FHIT: variants seen among roughly 807,000 people sequenced by gnomAD.
FHIT encodes the protein fragile histidine triad diadenosine triphosphatase, also known as bis(5'-adenosyl)-triphosphatase.
In FHIT, 19 loss-of-function variants were observed where a neutral mutation model predicts 17.9. The ratio of observed to expected loss-of-function variants is 1.06; its 90% CI spans 0.74 to 1.56. The LOEUF is 1.56. FHIT is among the 40% of genes most tolerant of loss of function. The probability of loss-of-function intolerance (pLI) is 0.00; values close to 1 mark genes in which losing one functional copy is unlikely to be tolerated. For synonymous variants in FHIT, 81 were observed against 69.7 expected, an observed-to-expected ratio of 1.16 and a Z score of -0.81; for missense variants, 248 against 189.2, an observed-to-expected ratio of 1.31 and a Z score of -1.82.
intron 7 of FHIT, among the ~76,000 whole-genome samples, chr3:59,997,334 C>A (rs1428175739): frequency 6.6e-6 from 1 of 151,996 alleles, no homozygotes; most frequent in Non-Finnish European, 1.5e-5. Context: ...TCCAAATTGC[C>A]AGAGAAGTCT....
At chr3:60,049,337 T>C (rs2106872035) in intron 5 of FHIT, among the ~76,000 whole-genome samples, 1 of 152,332 alleles carries the variant, frequency 6.6e-6, no homozygotes, top group East Asian at 1.9e-4. Context: ...GCATTTGAAA[T>C]ACGGCTCATG....
intron 1 of FHIT, among the ~76,000 whole-genome samples, chr3:61,210,493 G>C (rs1403852951): frequency 6.6e-6 from 1 of 152,338 alleles, no homozygotes; most frequent in Admixed American, 6.5e-5. Flanking sequence ...ACCTACTCAA[G>C]CCTTGGCAAT....
chr3:60,483,417 C>T (rs192684507), intron 5 of FHIT, among the ~76,000 whole-genome samples: 10 of 152,206 alleles, frequency 6.6e-5, no homozygotes, highest in South Asian at 4.2e-4. Context: ...AGCATCAATG[C>T]GAAAATCCTC....
intron 2 of FHIT, among the ~76,000 whole-genome samples, chr3:61,163,663 A>G (rs2037758177): frequency 6.6e-6 from 1 of 152,224 alleles, no homozygotes; most frequent in Admixed American, 6.5e-5. Flanking sequence ...AGGCACAGAG[A>G]TAAAGAGAAA....
chr3:60,760,006 TTTC>T (rs781786544), intron 4 of FHIT, among the ~76,000 whole-genome samples: 2 of 152,126 alleles, frequency 1.3e-5, no homozygotes, highest in Non-Finnish European at 2.9e-5. Flanking sequence ...TTTATCTTTC[TTTC>T]TTTTCTCCCT....
chr3:60,947,159 T>C (rs1277971058), intron 3 of FHIT, among the ~76,000 whole-genome samples: 1 of 152,108 alleles, frequency 6.6e-6, no homozygotes, highest in East Asian at 1.9e-4. Flanking sequence ...GTGAGGAGCA[T>C]CTAATAGCAC....
intron 5 of FHIT, among the ~76,000 whole-genome samples, chr3:60,023,068 G>A (rs9817092): frequency 6.6e-6 from 1 of 152,042 alleles, no homozygotes; most frequent in African/African-American, 2.4e-5. Context: ...ATGAAAATGA[G>A]CATGTTGTAA....
chr3:60,190,778 A>T (rs937803195), intron 5 of FHIT, among the ~76,000 whole-genome samples: 30 of 151,908 alleles, frequency 2.0e-4, no homozygotes, highest in African/African-American at 5.3e-4. Flanking sequence ...AATAAAATTT[A>T]AAAAAAATAC....
At chr3:59,925,052 C>T (rs1403754466) in intron 7 of FHIT, among the ~76,000 whole-genome samples, 1 of 151,252 alleles carries the variant, frequency 6.6e-6, no homozygotes, top group Non-Finnish European at 1.5e-5. Flanking sequence ...TCTATCTTTT[C>T]TCTTTTTTCT....
At chr3:60,830,555 G>A (rs1336426257) in intron 3 of FHIT, among the ~76,000 whole-genome samples, 1 of 152,118 alleles carries the variant, frequency 6.6e-6, no homozygotes, top group Non-Finnish European at 1.5e-5. Context: ...TAATGTCTAA[G>A]CAACAGGGAA....
chr3:59,897,762 C>CT (rs199677803), intron 8 of FHIT, among the ~76,000 whole-genome samples: 3,625 of 146,028 alleles, frequency 0.025, 141 homozygotes, highest in African/African-American at 0.089. Flanking sequence ...AAATCTGAAA[C>CT]TTTTTTTTTC....
intron 4 of FHIT, among the ~76,000 whole-genome samples, chr3:60,719,487 T>A (rs1373702886): frequency 1.3e-5 from 2 of 152,170 alleles, no homozygotes; most frequent in Admixed American, 6.5e-5. Context: ...AAGATCATGG[T>A]CTTTGTAGGG....
chr3:60,232,278 T>G (rs545860692), intron 5 of FHIT, among the ~76,000 whole-genome samples: 1 of 152,144 alleles, frequency 6.6e-6, no homozygotes, highest in South Asian at 2.1e-4. Flanking sequence ...ACTTTTCAGA[T>G]TTACTCATCT....
intron 2 of FHIT, among the ~76,000 whole-genome samples, chr3:61,107,405 A>G (rs780698122): frequency 6.6e-6 from 1 of 152,174 alleles, no homozygotes. Flanking sequence ...TCTGAATCTT[A>G]GCTATTATGA....
At chr3:60,042,437 G>A (rs187683114) in intron 5 of FHIT, among the ~76,000 whole-genome samples, 2 of 152,304 alleles carry the variant, frequency 1.3e-5, no homozygotes, top group Admixed American at 1.3e-4. Context: ...GAGGACAGGG[G>A]CCTAAACCAA....
intron 7 of FHIT, among the ~76,000 whole-genome samples, chr3:59,958,361 T>G (rs953866407): frequency 6.6e-6 from 1 of 152,006 alleles, no homozygotes; most frequent in Admixed American, 6.6e-5. Flanking sequence ...AAGGACTGTA[T>G]AAAAAAAATC....
chr3:60,982,185 A>G (rs781444207), intron 3 of FHIT, among the ~76,000 whole-genome samples: 10 of 152,226 alleles, frequency 6.6e-5, no homozygotes, highest in African/African-American at 9.6e-5. Context: ...CTCAGAATAA[A>G]GTCAAAGCCC....
intron 5 of FHIT, among the ~76,000 whole-genome samples, chr3:60,381,225 C>T (rs912071862): frequency 6.6e-6 from 1 of 152,086 alleles, no homozygotes; most frequent in African/African-American, 2.4e-5. Flanking sequence ...CACCTGTAAT[C>T]CCAGCACTTT....
At chr3:60,731,114 G>A (rs533794836) in intron 4 of FHIT, among the ~76,000 whole-genome samples, 119 of 152,208 alleles carry the variant, frequency 7.8e-4, no homozygotes, top group African/African-American at 2.6e-3. Context: ...CTGGGTGATA[G>A]AGCGAGACTC....
Sources: gnomAD v4.1 joint callset for allele counts (sites outside exome capture counted in the v4.1 genomes callset) on GRCh38, gnomAD v4.1.1 for gene constraint, MANE v1.5 for transcripts, NCBI Gene and HGNC (gene_info 2026-07-23, HGNC 2026-07-21) for gene names.